The following FGGY variants were observed in gnomAD, a reference collection of about 807,000 sequenced individuals.
FGGY encodes the protein FGGY carbohydrate kinase domain containing.
FGGY carries 72 observed loss-of-function variants against 71.3 expected under a neutral mutation model. That is an observed-to-expected ratio of 1.01 (90% confidence interval 0.84 to 1.23). The LOEUF is 1.23. Ranked by LOEUF, FGGY falls within the 50% of genes most tolerant of loss-of-function variation. The pLI, the probability that FGGY is intolerant of heterozygous loss-of-function variation, is 0.00. For missense variants in FGGY, 668 were observed against 682.3 expected (o/e 0.98, Z 0.23); for synonymous variants, 251 against 250.3 (o/e 1.00, Z -0.02).
At chr1:59,495,916 T>G (rs898599161) in intron 6 of FGGY, among the ~76,000 whole-genome samples, 1 of 152,224 alleles carries the variant, frequency 6.6e-6, no homozygotes, top group Admixed American at 6.5e-5. Flanking sequence ...TCAGGTAATG[T>G]GGTGCCTCCA....
At chr1:59,680,247 A>T (rs2153986383) in intron 14 of FGGY, among the ~76,000 whole-genome samples, 1 of 151,980 alleles carries the variant, frequency 6.6e-6, no homozygotes. Flanking sequence ...TCTGGATGAG[A>T]TTCTGATTCC....
At chr1:59,608,861 G>A (rs1311747059) in intron 9 of FGGY, among the ~76,000 whole-genome samples, 1 of 152,106 alleles carries the variant, frequency 6.6e-6, no homozygotes, top group African/African-American at 2.4e-5. Context: ...ACAAAATAAA[G>A]ACAAGTTCTC....
intron 7 of FGGY, among the ~76,000 whole-genome samples, chr1:59,542,696 T>C (rs1253935654): frequency 1.3e-5 from 2 of 152,146 alleles, no homozygotes; most frequent in African/African-American, 4.8e-5. Flanking sequence ...TCTCAGGTGA[T>C]CTGCCTGCCT....
intron 6 of FGGY, among the ~76,000 whole-genome samples, chr1:59,503,031 A>G (rs943884946): frequency 1.3e-5 from 2 of 152,130 alleles, no homozygotes; most frequent in African/African-American, 4.8e-5. Flanking sequence ...TCTCTAACCT[A>G]CATGGTATAG....
At chr1:59,592,415 C>T (rs1399155842) in intron 8 of FGGY, among the ~76,000 whole-genome samples, 1 of 152,072 alleles carries the variant, frequency 6.6e-6, no homozygotes, top group East Asian at 1.9e-4. Context: ...TACCATTTGA[C>T]CCAGCCATCC....
chr1:59,622,934 A>G (rs1354823090), intron 9 of FGGY, among the ~76,000 whole-genome samples: 1 of 152,146 alleles, frequency 6.6e-6, no homozygotes, highest in Non-Finnish European at 1.5e-5. Flanking sequence ...TTTGATCAGC[A>G]TTTTTAATTG....
chr1:59,487,487 GCA>G (rs763663008), intron 6 of FGGY, among the ~76,000 whole-genome samples: 1 of 152,124 alleles, frequency 6.6e-6, no homozygotes, highest in Non-Finnish European at 1.5e-5. Flanking sequence ...ATGGTACCTG[GCA>G]CACAGTCTTT....
At position 59,723,992 on chromosome 1, in the gene FGGY, G is replaced by A. The variant is rs543899336; in HGVS notation, c.1513-33939G>A. 1.4e-4 allele frequency among the ~76,000 whole-genome samples: 21 copies of A among 151,800 alleles called. No homozygotes were observed. The East Asian group carries it at 2.5e-3, about 18-fold the overall frequency. ...AGCCTGGCCAGCATGGCAAAACCCC[G>A]TCTCTACTAGAAATGCAAAAATTAG... On this transcript the variant is annotated intron_variant, in intron 14 of 15. Transcript: ENST00000303721.
At chr1:59,343,065 G>A (rs2051032793) in intron 3 of FGGY, among the ~76,000 whole-genome samples, 1 of 152,064 alleles carries the variant, frequency 6.6e-6, no homozygotes, top group Non-Finnish European at 1.5e-5. Flanking sequence ...CTCTTGGGAG[G>A]GAGAGGAACA....
At chr1:59,754,994 C>T (rs2098277901) in intron 14 of FGGY, 1 of 152,220 alleles carries the variant, frequency 6.6e-6, no homozygotes, top group South Asian at 2.1e-4. Flanking sequence ...GCAGCAGATT[C>T]TCTGCTGGTC....
At position 59,760,882 on chromosome 1, in the gene FGGY, G is replaced by A. The variant is rs775071803; in HGVS notation, c.1575-1621G>A. Among the ~76,000 whole-genome samples the A allele has an allele frequency of 7.9e-5, 12 of 152,114 alleles. 1 individual carries two copies. The highest frequency in any genetic ancestry group is 6.2e-4 in the South Asian group (3 of 4,824). ...TCATGTAGTGAAAGAATTCCTTACC[G>A]TTATATTGTCACAGAGCATCATTAG... On this transcript the variant is annotated intron_variant, in intron 15 of 15. Transcript: ENST00000303721.
rs77091547 is a variant in FGGY, at chr1:59,733,856, C to G, written c.1513-24075C>G. 4.1e-3 allele frequency among the ~76,000 whole-genome samples: 624 copies of G among 152,364 alleles called. 2 individuals carry two copies. The highest frequency in any genetic ancestry group is 0.014 in the African/African-American group (593 of 41,590). ...TAAGAGTTACTTCTAACAACTTTCT[C>G]TCCCTAACACCCTCATCTGGTCTGT... On this transcript the variant is annotated intron_variant, in intron 14 of 15. Transcript: ENST00000303721.
At chr1:59,625,271 A>G (rs2096845175) in intron 9 of FGGY, among the ~76,000 whole-genome samples, 1 of 152,130 alleles carries the variant, frequency 6.6e-6, no homozygotes, top group Non-Finnish European at 1.5e-5. Flanking sequence ...TCTGTCCCTG[A>G]TACATATTTC....
chr1:59,404,478 A>G (rs2062444565), intron 5 of FGGY, among the ~76,000 whole-genome samples: 1 of 152,220 alleles, frequency 6.6e-6, no homozygotes, highest in South Asian at 2.1e-4. Flanking sequence ...TAGGGTATAG[A>G]GTTATCCATA....
At position 59,651,818 on chromosome 1, in the gene FGGY, T is replaced by G. The variant is rs933257963; in HGVS notation, c.1222-8401T>G. On this transcript the variant is annotated intron_variant, in intron 11 of 15. Transcript: ENST00000303721. ...TTATGATGTTAGCTGGTGATTTTGC[T>G]CGTTAGTTGATGCAGTTTCTTCCTA... Among the ~76,000 whole-genome samples the G allele has an allele frequency of 3.3e-3, 495 of 151,616 alleles. 3 individuals are homozygous for G. The highest frequency in any genetic ancestry group is 0.011 in the African/African-American group (473 of 41,292).
chr1:59,695,089 C>T (rs2154007723), intron 14 of FGGY, among the ~76,000 whole-genome samples: 1 of 152,262 alleles, frequency 6.6e-6, no homozygotes, highest in South Asian at 2.1e-4. Flanking sequence ...CTAATCCTTC[C>T]ATCAATTCAT....
chr1:59,330,746 T>C (rs887718353), intron 2 of FGGY, among the ~76,000 whole-genome samples: 5 of 152,058 alleles, frequency 3.3e-5, no homozygotes, highest in African/African-American at 1.2e-4. Flanking sequence ...GATCGAATCC[T>C]AGCTGTAATA....
intron 5 of FGGY, among the ~76,000 whole-genome samples, chr1:59,421,205 G>A (rs2065349144): frequency 6.6e-6 from 1 of 152,078 alleles, no homozygotes; most frequent in Non-Finnish European, 1.5e-5. Context: ...GAACACTCGT[G>A]GTGTGTCACC....
chr1:59,590,755 C>G (rs1308648833), intron 8 of FGGY, among the ~76,000 whole-genome samples: 1 of 152,182 alleles, frequency 6.6e-6, no homozygotes, highest in Non-Finnish European at 1.5e-5. Flanking sequence ...ATGCTAAAAA[C>G]TCTCAATAAA....
Sources: allele counts gnomAD v4.1 joint callset (sites outside exome capture counted in the v4.1 genomes callset), GRCh38; gene constraint gnomAD v4.1.1; transcripts MANE v1.5; gene names NCBI Gene and HGNC (gene_info 2026-07-23, HGNC 2026-07-21).